The following PIEZO2 variants were observed in gnomAD, a reference collection of about 807,000 sequenced individuals.
PIEZO2 encodes the protein piezo type mechanosensitive ion channel component 2.
PIEZO2 carries 172 observed loss-of-function variants against 337.3 expected under a neutral mutation model. That is an observed-to-expected ratio of 0.51 (90% confidence interval 0.45 to 0.58). The LOEUF is 0.58. Among genes scored for constraint, PIEZO2 ranks in the 20% least tolerant of loss-of-function variants. The pLI is 0.00. For missense variants in PIEZO2, 3,028 were observed against 3,391.3 expected (o/e 0.89, Z 2.66); for synonymous variants, 1,251 against 1,228.5 (o/e 1.02, Z -0.38).
intron 3 of PIEZO2, among the ~76,000 whole-genome samples, chr18:10,934,511 A>G (rs1221605221): frequency 6.6e-6 from 1 of 152,166 alleles, no homozygotes; most frequent in African/African-American, 2.4e-5. Flanking sequence ...TTTCATTCCT[A>G]TTTTTAAATT....
intron 4 of PIEZO2, among the ~76,000 whole-genome samples, chr18:10,886,613 A>G (rs2042615598): frequency 6.7e-6 from 1 of 148,590 alleles, no homozygotes; most frequent in African/African-American, 2.5e-5. Context: ...AATAAATTAC[A>G]GTAATTATAA....
intron 7 of PIEZO2, among the ~76,000 whole-genome samples, chr18:10,825,557 T>C (rs1474072592): frequency 6.7e-6 from 1 of 148,702 alleles, no homozygotes; most frequent in Admixed American, 6.6e-5. Context: ...TTCCTTTTTT[T>C]TTTTTTTTTT....
rs373485193 is a variant in PIEZO2, at chr18:10,697,791, G to A, written c.6784C>T (p.Leu2262Phe). The A allele has an allele frequency of 4.3e-6, 7 of 1,614,032 alleles. No homozygotes were observed. The African/African-American group carries it at 8.0e-5, about 18-fold the overall frequency. Reference protein sequence around the residue: ...KGKRELYMEKLQEHLIKAKAF... With the variant: ...KGKRELYMEKFQEHLIKAKAF... ...TTTGCTTTGATTAAATGTTCTTGAA[G>A]CTTTTCCATATAAAGTTCCCTTTTG... Residue 2262 changes from leucine (L) to phenylalanine (F), a missense_variant, in exon 45 of 56, where the codon CTT becomes TTT. Transcript: ENST00000674853.
At position 10,929,467 on chromosome 18, in the gene PIEZO2, C is replaced by A. The variant is rs2031954389; in HGVS notation, c.287-18239G>T. ...AAGATTGGAATGTTTGAACAAAATG[C>A]TTTTGCCAGTTGCTTGCTGTAAACA... On this transcript the variant is annotated intron_variant, in intron 3 of 55. Coordinates refer to ENST00000674853, the MANE Select transcript of PIEZO2 (RefSeq NM_001378183.1). This position sits in a 1 kb window ranked among gnomAD's most constrained non-coding sequence, Gnocchi z 5.6. 6.6e-6 allele frequency among the ~76,000 whole-genome samples: 1 copy of A among 152,152 alleles called. No homozygotes were observed. The highest frequency in any genetic ancestry group is 1.5e-5 in the Non-Finnish European group (1 of 68,024).
In PIEZO2 at chr18:11,112,220, C is replaced by T. The variant is rs558845455; in HGVS notation, c.64+36305G>A. ...TTTTGTATCTACAGGATCAGATATTCGGATATTTGTAAAGATAACGGTGAC... is the reference window on the plus strand; with the variant it reads ...TTTTGTATCTACAGGATCAGATATTTGGATATTTGTAAAGATAACGGTGAC... On this transcript the variant is annotated intron_variant, in intron 1 of 55. Coordinates refer to ENST00000674853, the MANE Select transcript of PIEZO2 (RefSeq NM_001378183.1). The surrounding 1 kb of genome is among the most constrained non-coding windows in gnomAD (Gnocchi z 4.3). Among the ~76,000 whole-genome samples, 3 of 152,216 alleles carry T rather than the reference C, an allele frequency of 2.0e-5. No individual in the cohort carries two copies. The highest frequency in any genetic ancestry group is 3.9e-4 in the East Asian group (2 of 5,184).
intron 2 of PIEZO2, among the ~76,000 whole-genome samples, chr18:10,987,344 C>T (rs915088210): frequency 3.3e-5 from 5 of 152,012 alleles, no homozygotes; most frequent in Admixed American, 1.3e-4. Context: ...CAGTATGATA[C>T]TTACATAAAA....
intron 18 of PIEZO2, among the ~76,000 whole-genome samples, chr18:10,776,595 A>G (rs2038796377): frequency 1.3e-5 from 2 of 152,244 alleles, no homozygotes; most frequent in Admixed American, 1.3e-4. Flanking sequence ...AGGAGCAAAC[A>G]TTTCTTCATC....
Position 10,766,186 on chromosome 18 carries a change from T to C in PIEZO2, c.2947-3088A>G, listed in dbSNP as rs2038345721. On this transcript the variant is annotated intron_variant, in intron 21 of 55. Coordinates refer to ENST00000674853, the MANE Select transcript of PIEZO2 (RefSeq NM_001378183.1). The surrounding 1 kb of genome is among the most constrained non-coding windows in gnomAD (Gnocchi z 6.1). ...GATCATGATCTCATCATTTTCCTGA[T>C]GGTAAGAATCTCGTGGAAGGAAAGA... is the stretch of plus-strand genomic sequence containing the variant. Among the ~76,000 whole-genome samples the C allele has an allele frequency of 6.6e-6, 1 of 151,344 alleles. No homozygotes were observed. Among genetic ancestry groups the C allele is most frequent in the African/African-American group, 2.4e-5 (1 of 41,088 alleles).
intron 3 of PIEZO2, among the ~76,000 whole-genome samples, chr18:10,957,421 G>GCAA (rs200818955): frequency 7.4e-6 from 1 of 134,834 alleles, no homozygotes; most frequent in African/African-American, 2.7e-5. Context: ...AAAAAACAAA[G>GCAA]CAACAACAAC....
intron 1 of PIEZO2, among the ~76,000 whole-genome samples, chr18:11,113,163 A>G (rs1378491653): frequency 6.6e-6 from 1 of 151,940 alleles, no homozygotes; most frequent in African/African-American, 2.4e-5. Flanking sequence ...ATCTTCTCCC[A>G]CCCCAGCCCC....
rs769217811 is a variant in PIEZO2, at chr18:10,675,235, G to A, written c.8135C>T (p.Ser2712Leu). Residue 2712 changes from serine to leucine, a missense_variant, in exon 54 of 56, where the codon TCA (serine) becomes TTA (leucine). By Grantham distance (145) the Ser-to-Leu change is moderately radical. Transcript: ENST00000674853. ...YYVKAPSDSN[S>L]KPIKQLLSEN... ...AGATAAAAGTTGCTTTATAGGTTTT[G>A]AGTTAGAATCACTAGGTGCTTTCAC... The A allele has an allele frequency of 2.6e-6, 4 of 1,556,246 alleles. No individual in the cohort carries two copies. The highest frequency in any genetic ancestry group is 3.5e-6 in the Non-Finnish European group (4 of 1,147,894).
intron 1 of PIEZO2, among the ~76,000 whole-genome samples, chr18:11,117,093 A>C (rs1253944794): frequency 6.6e-6 from 1 of 152,170 alleles, no homozygotes; most frequent in African/African-American, 2.4e-5. Context: ...GCAACAGAGC[A>C]AGATTCTGTC....
At chr18:10,814,017 G>A (rs904359852) in intron 7 of PIEZO2, among the ~76,000 whole-genome samples, 1 of 151,712 alleles carries the variant, frequency 6.6e-6, no homozygotes, top group Non-Finnish European at 1.5e-5. Context: ...GCCCAGGCTG[G>A]AGTGCAGTGG....
chr18:10,816,119 C>G (rs536475987), intron 7 of PIEZO2, among the ~76,000 whole-genome samples: 1 of 152,334 alleles, frequency 6.6e-6, no homozygotes, highest in Middle Eastern at 3.4e-3. Context: ...CGGCTCTTCA[C>G]TGGGAGGAGC....
At chr18:10,881,667 G>A (rs1487659655) in intron 4 of PIEZO2, among the ~76,000 whole-genome samples, 2 of 152,120 alleles carry the variant, frequency 1.3e-5, no homozygotes, top group Admixed American at 6.5e-5. Context: ...TCCCTAGAGA[G>A]CCAGTTGTTA....
In PIEZO2 at chr18:10,677,687, C is replaced by T. The variant is rs2034070648; in HGVS notation, c.8081+60G>A. The T allele has an allele frequency of 5.2e-6, 8 of 1,552,006 alleles. No individual in the cohort carries two copies. The South Asian group carries it at 9.6e-5, about 19-fold the overall frequency. On this transcript the variant is annotated intron_variant, in intron 53 of 55. Coordinates refer to ENST00000674853, the MANE Select transcript of PIEZO2 (RefSeq NM_001378183.1). The surrounding 1 kb of genome is among the most constrained non-coding windows in gnomAD (Gnocchi z 4.1). ...TCATACACATGAATCTGTAGATGGACATTTTGTACCAGCTGCATATACCTA... is the reference window on the plus strand; with the variant it reads ...TCATACACATGAATCTGTAGATGGATATTTTGTACCAGCTGCATATACCTA...
At chr18:10,683,288 T>C (rs2034358385) in intron 49 of PIEZO2, among the ~76,000 whole-genome samples, 1 of 152,216 alleles carries the variant, frequency 6.6e-6, no homozygotes, top group African/African-American at 2.4e-5. Flanking sequence ...GTACAGGACA[T>C]GACTACAGTG....
chr18:11,121,293 G>A (rs1244085802), intron 1 of PIEZO2, among the ~76,000 whole-genome samples: 4 of 152,240 alleles, frequency 2.6e-5, no homozygotes, highest in South Asian at 4.1e-4. Context: ...AGTAGCTCAT[G>A]CCTGTAATCC....
At chr18:10,928,381 T>C (rs2031881199) in intron 3 of PIEZO2, among the ~76,000 whole-genome samples, 1 of 152,206 alleles carries the variant, frequency 6.6e-6, no homozygotes, top group African/African-American at 2.4e-5. Context: ...ACTGCTCTCA[T>C]TTGCCAGCTT....
Sources: allele counts gnomAD v4.1 joint callset (sites outside exome capture counted in the v4.1 genomes callset), GRCh38; gene constraint gnomAD v4.1.1; non-coding constraint Gnocchi (gnomAD v3.1); transcripts MANE v1.5; gene names NCBI Gene and HGNC (gene_info 2026-07-23, HGNC 2026-07-21).